The following MITF variants were observed in gnomAD, a reference collection of about 807,000 sequenced individuals.
MITF encodes melanocyte inducing transcription factor, also known as microphthalmia-associated transcription factor.
Under a neutral mutation model 60.5 loss-of-function variants are expected in MITF, and 17 were observed. That is an observed-to-expected ratio of 0.28 (90% confidence interval 0.19 to 0.42). The LOEUF is 0.42. Among genes scored for constraint, MITF ranks in the 10% least tolerant of loss-of-function variants. The probability of loss-of-function intolerance (pLI) is 1.00; values close to 1 mark genes in which losing one functional copy is unlikely to be tolerated. For missense variants in MITF, 622 were observed against 683.5 expected (o/e 0.91, Z 1.00); for synonymous variants, 260 against 248.5 (o/e 1.05, Z -0.43).
At chr3:69,901,626 G>A (rs2064997467) in intron 2 of MITF, among the ~76,000 whole-genome samples, 1 of 152,136 alleles carries the variant, frequency 6.6e-6, no homozygotes. Flanking sequence ...TCACCTATTA[G>A]AGCGAGAATA....
At chr3:69,765,368 G>A (rs966205241) in intron 1 of MITF, among the ~76,000 whole-genome samples, 1 of 152,096 alleles carries the variant, frequency 6.6e-6, no homozygotes, top group Non-Finnish European at 1.5e-5. Context: ...TTGGAATTTT[G>A]CAAACCAACA....
intron 1 of MITF, among the ~76,000 whole-genome samples, chr3:69,801,056 CTTTT>C (rs74944767): frequency 1.4e-5 from 2 of 140,838 alleles, no homozygotes; most frequent in Non-Finnish European, 3.1e-5. Flanking sequence ...CCTTGTGTAA[CTTTT>C]TTTTTTTTTT....
intron 1 of MITF, among the ~76,000 whole-genome samples, chr3:69,793,527 T>C (rs1287934736): frequency 6.6e-6 from 1 of 152,122 alleles, no homozygotes; most frequent in East Asian, 1.9e-4. Context: ...CCAATGCTCA[T>C]AGCATGCACC....
intron 2 of MITF, among the ~76,000 whole-genome samples, chr3:69,881,303 G>A (rs1417219605): frequency 1.1e-4 from 16 of 151,930 alleles, no homozygotes; most frequent in Admixed American, 1.0e-3. Flanking sequence ...TATAGTTCCT[G>A]TCTATTTAAC....
intron 1 of MITF, among the ~76,000 whole-genome samples, chr3:69,807,046 C>T (rs2063021310): frequency 6.6e-6 from 1 of 152,180 alleles, no homozygotes; most frequent in African/African-American, 2.4e-5. Flanking sequence ...TCAGAATTTT[C>T]ACCCCATAGG....
chr3:69,953,046 C>T (rs1421223818), intron 7 of MITF, among the ~76,000 whole-genome samples: 1 of 151,870 alleles, frequency 6.6e-6, no homozygotes, highest in Non-Finnish European at 1.5e-5. Context: ...GGTTAGAAAC[C>T]GAACTGAGAG....
At chr3:69,812,395 T>C (rs76814206) in intron 1 of MITF, among the ~76,000 whole-genome samples, 6,071 of 152,060 alleles carry the variant, frequency 0.04, 427 homozygotes, top group African/African-American at 0.14. Flanking sequence ...ATTTAGACAA[T>C]GTGAGATTTG....
chr3:69,866,347 G>GT (rs1328017752), intron 1 of MITF: 1 of 1,613,550 alleles, frequency 6.2e-7, no homozygotes, highest in Non-Finnish European at 8.5e-7. Flanking sequence ...GCTTGTATCT[G>GT]TAAGTGAAGT....
intron 1 of MITF, among the ~76,000 whole-genome samples, chr3:69,821,286 G>C (rs917189592): frequency 6.6e-6 from 1 of 152,140 alleles, no homozygotes. Flanking sequence ...CACATTAAAT[G>C]GGTTATAAAT....
intron 2 of MITF, among the ~76,000 whole-genome samples, chr3:69,893,040 C>T (rs886283407): frequency 2.6e-5 from 4 of 152,170 alleles, no homozygotes; most frequent in African/African-American, 4.8e-5. Context: ...TTAACATGCA[C>T]GTCCAGCACG....
intron 1 of MITF, among the ~76,000 whole-genome samples, chr3:69,779,315 C>G (rs897590597): frequency 1.3e-5 from 2 of 152,138 alleles, no homozygotes; most frequent in African/African-American, 4.8e-5. Context: ...GTCTTTACAT[C>G]CTTACTACAA....
chr3:69,944,429 A>G (rs1402588548), intron 5 of MITF, among the ~76,000 whole-genome samples: 1 of 152,084 alleles, frequency 6.6e-6, no homozygotes, highest in Non-Finnish European at 1.5e-5. Flanking sequence ...GGCAGAGTTG[A>G]ATTAACTCCC....
At chr3:69,893,838 G>A (rs770959690) in intron 2 of MITF, among the ~76,000 whole-genome samples, 26 of 152,192 alleles carry the variant, frequency 1.7e-4, no homozygotes, top group Admixed American at 1.2e-3. Context: ...GTAGTGAGAT[G>A]CTTGGCCACA....
rs1276833057 is a variant in MITF, at chr3:69,887,185, A to G, written c.354+7802A>G. Among the ~76,000 whole-genome samples the G allele has an allele frequency of 2.6e-5, 4 of 152,208 alleles. No individual in the cohort carries two copies. The East Asian group carries it at 7.7e-4, about 29-fold the overall frequency. Reference sequence around the variant, plus strand: ...CTTCTATTACTATATTGAAAAAGTCATGAGTCTCCTTCACAAATATTACCT... The same window carrying G: ...CTTCTATTACTATATTGAAAAAGTCGTGAGTCTCCTTCACAAATATTACCT... On this transcript the variant is annotated intron_variant, in intron 2 of 9. Coordinates refer to ENST00000352241, the MANE Select transcript of MITF (RefSeq NM_001354604.2).
At chr3:69,962,518 T>C (rs1040573181) in intron 9 of MITF, among the ~76,000 whole-genome samples, 1 of 152,186 alleles carries the variant, frequency 6.6e-6, no homozygotes, top group African/African-American at 2.4e-5. Flanking sequence ...CAGGCACATA[T>C]GTTTCTCAGC....
chr3:69,893,073 G>A (rs182132530), intron 2 of MITF, among the ~76,000 whole-genome samples: 68 of 152,284 alleles, frequency 4.5e-4, no homozygotes, highest in Admixed American at 4.3e-3. Flanking sequence ...AGCCTTAGGT[G>A]AGATCTGGCT....
chr3:69,824,329 A>G (rs1345476078), intron 1 of MITF, among the ~76,000 whole-genome samples: 1 of 152,170 alleles, frequency 6.6e-6, no homozygotes, highest in East Asian at 1.9e-4. Flanking sequence ...AGTACTCACA[A>G]GAACATGTCA....
chr3:69,806,256 T>C (rs750175101), intron 1 of MITF, among the ~76,000 whole-genome samples: 14 of 152,004 alleles, frequency 9.2e-5, no homozygotes, highest in Non-Finnish European at 2.1e-4. Context: ...GGCTAATTTT[T>C]GTATTTTTTT....
At chr3:69,818,008 C>T (rs1440943055) in intron 1 of MITF, among the ~76,000 whole-genome samples, 1 of 152,138 alleles carries the variant, frequency 6.6e-6, no homozygotes, top group Non-Finnish European at 1.5e-5. Flanking sequence ...TAGGATAAAA[C>T]TTCGCTGATG....
Sources: gnomAD v4.1 joint callset for allele counts (sites outside exome capture counted in the v4.1 genomes callset) on GRCh38, gnomAD v4.1.1 for gene constraint, MANE v1.5 for transcripts, NCBI Gene and HGNC (gene_info 2026-07-23, HGNC 2026-07-21) for gene names.